Variants in LPIN1 observed in about 807,000 individuals in gnomAD.
LPIN1 encodes phosphatidate phosphatase LPIN1.
LPIN1 carries 71 observed loss-of-function variants against 107.5 expected under a neutral mutation model. The observed-to-expected ratio is 0.66, with a 90% CI of 0.55 to 0.80. The LOEUF (loss-of-function observed/expected upper bound fraction) is 0.80, where lower values mean the gene tolerates loss of function less well. LPIN1 is among the 30% of genes least tolerant of loss of function. LPIN1 has a pLI of 0.00. For synonymous variants in LPIN1, 445 were observed against 452.6 expected (o/e 0.98, Z 0.21); for missense variants, 1,043 against 1,160.6 (o/e 0.90, Z 1.47).
chr2:11,774,244 G>T lies in LPIN1; in HGVS notation c.722+499G>T, dbSNP rs191703591. ...ACTTGGAGAACTAGAGCTGCTCACT[G>T]TGCAGATGCCATCCTGATGACCCCA... On this transcript the variant is annotated intron_variant, in intron 5 of 20. Transcript: ENST00000674199. This position sits in a 1 kb window ranked among gnomAD's most constrained non-coding sequence, Gnocchi z 4.4. 2.2e-4 allele frequency among the ~76,000 whole-genome samples: 33 copies of T among 152,328 alleles called. No homozygotes were observed. The highest frequency in any genetic ancestry group is 3.7e-4 in the Non-Finnish European group (25 of 68,032).
intron 17 of LPIN1, among the ~76,000 whole-genome samples, chr2:11,814,767 C>T (rs1256771291): frequency 6.6e-6 from 1 of 152,038 alleles, no homozygotes; most frequent in Non-Finnish European, 1.5e-5. Context: ...ACAAGGGGCT[C>T]AAGCGCAGGC....
chr2:11,742,251 A>G (rs1666439695), upstream of LPIN1: 1 of 152,172 alleles, frequency 6.6e-6, no homozygotes, highest in Non-Finnish European at 1.5e-5. Flanking sequence ...ATCAGATTCT[A>G]ATACCGTATT....
chr2:11,816,939 C>G (rs1052216089), intron 18 of LPIN1: 7 of 151,862 alleles, frequency 4.6e-5, no homozygotes, highest in African/African-American at 1.7e-4. Context: ...CTGACTGGCC[C>G]TGGTGTGTGA....
intron 14 of LPIN1, 35 bp downstream of exon 14, chr2:11,795,522 C>A: frequency 6.3e-7 from 1 of 1,581,344 alleles, no homozygotes; most frequent in South Asian, 1.1e-5. Context: ...GTTTGCAGCC[C>A]CTTTCCGCAT....
chr2:11,766,807 C>T (rs1388302957), intron 2 of LPIN1, among the ~76,000 whole-genome samples: 14 of 152,176 alleles, frequency 9.2e-5, no homozygotes, highest in Admixed American at 9.2e-4. Context: ...AAACGCAGAG[C>T]AGCTTCTTTT....
chr2:11,743,611 G>C (rs889943014), upstream of LPIN1, among the ~76,000 whole-genome samples: 1 of 152,196 alleles, frequency 6.6e-6, no homozygotes, highest in African/African-American at 2.4e-5. This position sits in a 1 kb window ranked among gnomAD's most constrained non-coding sequence, Gnocchi z 4.7. Flanking sequence ...ACCCCGAGGA[G>C]ATGCCCTCCC....
intron 9 of LPIN1, chr2:11,784,621 A>C: frequency 2.3e-5 from 12 of 518,634 alleles, no homozygotes; most frequent in East Asian, 3.7e-5. Flanking sequence ...AGGGCAGGGA[A>C]CAGGGAGGAC....
Position 11,803,094 on chromosome 2 carries a change from A to G in LPIN1, c.2013+61A>G. Reference sequence around the variant, plus strand: ...GCACATGAGGTTTCTGCAGACTCCTAAGGCTGTGTGATGGTTGGGATGTGC... The same window carrying G: ...GCACATGAGGTTTCTGCAGACTCCTGAGGCTGTGTGATGGTTGGGATGTGC... On this transcript the variant is annotated intron_variant, in intron 15 of 20. Coordinates refer to ENST00000674199, the MANE Select transcript of LPIN1 (RefSeq NM_001349206.2). This position sits in a 1 kb window ranked among gnomAD's most constrained non-coding sequence, Gnocchi z 4.2. 6.2e-7 allele frequency: 1 copy of G among 1,607,148 alleles called. No homozygotes were observed. The highest frequency in any genetic ancestry group is 2.2e-5 in the East Asian group (1 of 44,858).
intron 1 of LPIN1, chr2:11,741,292 C>G: frequency 1.6e-6 from 2 of 1,240,696 alleles, no homozygotes; most frequent in Non-Finnish European, 2.3e-6. Context: ...CATTTTCATT[C>G]TCGAGAGACA....
At chr2:11,732,950 A>C (rs950490006) in intron 1 of LPIN1, among the ~76,000 whole-genome samples, 4 of 150,860 alleles carry the variant, frequency 2.7e-5, no homozygotes, top group Non-Finnish European at 5.9e-5. Flanking sequence ...TGGGGGCCAA[A>C]CCAAAACTTG....
intron 1 of LPIN1, among the ~76,000 whole-genome samples, chr2:11,711,083 C>G (rs1372879782): frequency 6.6e-6 from 1 of 152,182 alleles, no homozygotes; most frequent in East Asian, 1.9e-4. Flanking sequence ...AATCCAAACA[C>G]TGTGAATTTA....
At chr2:11,791,220 G>A (rs1010880116) in intron 12 of LPIN1, among the ~76,000 whole-genome samples, 2 of 152,166 alleles carry the variant, frequency 1.3e-5, no homozygotes, top group African/African-American at 4.8e-5. Context: ...ACTAGCTGAG[G>A]TGTCAGCTTC....
intron 1 of LPIN1, among the ~76,000 whole-genome samples, chr2:11,731,652 G>A (rs1362581147): frequency 6.6e-6 from 1 of 152,092 alleles, no homozygotes; most frequent in African/African-American, 2.4e-5. Context: ...ATCACTACAC[G>A]CTCTTTCACA....
At chr2:11,729,695 G>C (rs566904197) in intron 1 of LPIN1, among the ~76,000 whole-genome samples, 4 of 152,302 alleles carry the variant, frequency 2.6e-5, no homozygotes, top group African/African-American at 9.6e-5. Flanking sequence ...GCTCTCTTAT[G>C]TGGTTTCTGA....
intron 6 of LPIN1, among the ~76,000 whole-genome samples, chr2:11,778,025 C>T (rs1406837021): frequency 2.6e-5 from 4 of 152,276 alleles, no homozygotes; most frequent in African/African-American, 7.2e-5. Context: ...ATACCGAACA[C>T]GTGACTGTAG....
chr2:11,807,228 G>T (rs1272148789), intron 17 of LPIN1, among the ~76,000 whole-genome samples: 2 of 152,218 alleles, frequency 1.3e-5, no homozygotes, highest in African/African-American at 2.4e-5. Flanking sequence ...TTGCCGAATT[G>T]CCCTCTCAAA....
At chr2:11,680,258 T>C (rs1254706360) in intron 1 of LPIN1, among the ~76,000 whole-genome samples, 2 of 152,022 alleles carry the variant, frequency 1.3e-5, no homozygotes, top group Non-Finnish European at 2.9e-5. Context: ...TTCCTGGGGC[T>C]GGAAAATGGC....
chr2:11,706,998 G>A (rs930305200), intron 1 of LPIN1, among the ~76,000 whole-genome samples: 2 of 152,122 alleles, frequency 1.3e-5, no homozygotes, highest in African/African-American at 4.8e-5. Context: ...ATTAAAAAGT[G>A]GAAATAGCTT....
intron 6 of LPIN1, among the ~76,000 whole-genome samples, 190 bp from the exon 7 acceptor site, chr2:11,779,329 G>C (rs1673170719): frequency 6.6e-6 from 1 of 152,192 alleles, no homozygotes; most frequent in Non-Finnish European, 1.5e-5. Flanking sequence ...CGACCCACGT[G>C]GAGCGCCTTC....
Sources: gnomAD v4.1 joint callset for allele counts (sites outside exome capture counted in the v4.1 genomes callset) on GRCh38, gnomAD v4.1.1 for gene constraint, Gnocchi (gnomAD v3.1) non-coding constraint, MANE v1.5 for transcripts, NCBI Gene and HGNC (gene_info 2026-07-23, HGNC 2026-07-21) for gene names.